Variants in CSMD1 observed in about 807,000 individuals in gnomAD.
The protein encoded by CSMD1 is CUB and Sushi multiple domains 1.
Under a neutral mutation model 417.5 loss-of-function variants are expected in CSMD1, and 213 were observed. The observed-to-expected ratio is 0.51, with a 90% confidence interval of 0.46 to 0.57. The LOEUF is 0.57. CSMD1 is among the 20% of genes least tolerant of loss of function. The pLI, the probability that CSMD1 is intolerant of heterozygous loss-of-function variation, is 0.00. For missense variants in CSMD1, 6,923 were observed against 4,529.7 expected (o/e 1.53, Z -15.17); for synonymous variants, 2,862 against 1,736.8 (o/e 1.65, Z -16.11).
chr8:3,649,838 C>T (rs149568519), intron 7 of CSMD1, among the ~76,000 whole-genome samples: 1 of 152,146 alleles, frequency 6.6e-6, no homozygotes, highest in African/African-American at 2.4e-5. Flanking sequence ...TTTGCAATAC[C>T]TTGCTAGATG....
At chr8:4,795,573 G>C (rs143912127) in intron 1 of CSMD1, among the ~76,000 whole-genome samples, 2 of 152,060 alleles carry the variant, frequency 1.3e-5, no homozygotes, top group African/African-American at 4.8e-5. Flanking sequence ...GCTTTCTTAA[G>C]CTTTTTTTCA....
At position 3,612,622 on chromosome 8, in the gene CSMD1, G is replaced by C. The variant is rs374878430; in HGVS notation, c.1097+4088C>G. 3.3e-5 allele frequency among the ~76,000 whole-genome samples: 5 copies of C among 152,130 alleles called. No homozygotes were observed. In the East Asian group the frequency reaches 5.8e-4, roughly 18 times the overall value. ...TTAAAGCATAATCTCTAACCATGCA[G>C]ATTCTTAGAAAATGTTCAGTATATG... On this transcript the variant is annotated intron_variant, in intron 8 of 69. Coordinates refer to ENST00000635120, the MANE Select transcript of CSMD1 (RefSeq NM_033225.6).
chr8:3,725,736 C>A (rs1308168891), intron 6 of CSMD1, among the ~76,000 whole-genome samples: 1 of 152,096 alleles, frequency 6.6e-6, no homozygotes, highest in Non-Finnish European at 1.5e-5. Flanking sequence ...ATACCAACTG[C>A]TGTGTTGTTA....
At chr8:2,971,974 T>G (rs974892858) in intron 57 of CSMD1, among the ~76,000 whole-genome samples, 1 of 152,214 alleles carries the variant, frequency 6.6e-6, no homozygotes, top group African/African-American at 2.4e-5. Context: ...ATGCCTATAT[T>G]ATATGCATAT....
At position 4,122,661 on chromosome 8, in the gene CSMD1, G is replaced by A. The variant is rs561873755; in HGVS notation, c.416-90562C>T. Among the ~76,000 whole-genome samples the A allele has an allele frequency of 5.2e-4, 79 of 152,288 alleles. 1 individual carries two copies. In the South Asian group the frequency reaches 0.01, roughly 20 times the overall value. On this transcript the variant is annotated intron_variant, in intron 3 of 69. Transcript: ENST00000635120. ...GCCAAACCAAACCATGTGAGGCCAG[G>A]AAGGGCAGACCCTCAGGGGCTGCAG...
At chr8:3,337,014 T>G (rs7844033) in intron 23 of CSMD1, among the ~76,000 whole-genome samples, 22,300 of 152,034 alleles carry the variant, frequency 0.15, 2,634 homozygotes, top group African/African-American at 0.32. Context: ...CCTGAGGGTG[T>G]GTCCTGTGAA....
chr8:3,433,515 T>C (rs1483836125), intron 12 of CSMD1, among the ~76,000 whole-genome samples: 3 of 152,156 alleles, frequency 2.0e-5, no homozygotes, highest in Non-Finnish European at 4.4e-5. Context: ...TTTCAAGATC[T>C]CCTTATTATG....
chr8:4,745,276 A>T (rs1219973849), intron 1 of CSMD1, among the ~76,000 whole-genome samples: 2 of 152,210 alleles, frequency 1.3e-5, no homozygotes, highest in Admixed American at 6.5e-5. Flanking sequence ...CTCTGGCAGA[A>T]AATTAAAAAC....
intron 5 of CSMD1, among the ~76,000 whole-genome samples, chr8:3,847,928 A>G (rs1185863608): frequency 1.3e-5 from 2 of 152,144 alleles, no homozygotes; most frequent in Non-Finnish European, 2.9e-5. Flanking sequence ...AGGTAAGTGC[A>G]TATTTTCTTG....
intron 4 of CSMD1, among the ~76,000 whole-genome samples, chr8:4,028,533 T>C (rs1797180926): frequency 6.6e-6 from 1 of 151,968 alleles, no homozygotes; most frequent in Non-Finnish European, 1.5e-5. Context: ...AAATATGCAA[T>C]AACTAGCGAA....
At chr8:4,774,205 A>G (rs1796735263) in intron 1 of CSMD1, among the ~76,000 whole-genome samples, 1 of 152,212 alleles carries the variant, frequency 6.6e-6, no homozygotes, top group Non-Finnish European at 1.5e-5. Context: ...CTCAAAAAAT[A>G]AAAATAAAAT....
At chr8:4,505,133 C>G (rs1585176771) in intron 2 of CSMD1, among the ~76,000 whole-genome samples, 1 of 152,138 alleles carries the variant, frequency 6.6e-6, no homozygotes, top group Non-Finnish European at 1.5e-5. Context: ...AACAGAAAAA[C>G]AAAACCAAAC....
chr8:4,955,830 C>G (rs370791047), intron 1 of CSMD1, among the ~76,000 whole-genome samples: 1 of 144,110 alleles, frequency 6.9e-6, no homozygotes. Flanking sequence ...ATATTTAGGT[C>G]GTAGAAATTG....
intron 7 of CSMD1, among the ~76,000 whole-genome samples, chr8:3,623,943 C>T (rs1044002453): frequency 2.0e-5 from 3 of 151,956 alleles, no homozygotes; most frequent in African/African-American, 7.3e-5. Flanking sequence ...CACCACTGCA[C>T]TCCAGCCTGG....
chr8:3,671,894 T>A (rs1203691069), intron 7 of CSMD1, among the ~76,000 whole-genome samples: 1 of 152,066 alleles, frequency 6.6e-6, no homozygotes, highest in African/African-American at 2.4e-5. Flanking sequence ...GCACCCACCC[T>A]CATTTCCTCT....
chr8:4,213,584 T>C (rs1436142438), intron 3 of CSMD1, among the ~76,000 whole-genome samples: 1 of 152,212 alleles, frequency 6.6e-6, no homozygotes, highest in Non-Finnish European at 1.5e-5. Context: ...ACTTGCAACG[T>C]GAAAGAAAAA....
intron 5 of CSMD1, among the ~76,000 whole-genome samples, chr8:3,846,755 C>A (rs112221156): frequency 0.072 from 10,942 of 152,146 alleles, 425 homozygotes; most frequent in Middle Eastern, 0.085. Context: ...CTCACTGCAA[C>A]CTCTGCCTCT....
At chr8:4,012,782 TCA>T (rs1262904963) in intron 4 of CSMD1, among the ~76,000 whole-genome samples, 6 of 152,302 alleles carry the variant, frequency 3.9e-5, no homozygotes, top group African/African-American at 7.2e-5. Context: ...ATCTGCAATC[TCA>T]CAGTCTTCTC....
In CSMD1 at chr8:3,456,303, G is replaced by GCTGCACCCACTCTC. The variant is rs1554427338; in HGVS notation, c.1561+12408_1561+12409insGAGAGTGGGTGCAG. ...CCCTGCTTCAGCTCATGCTTTGTGT[G>GCTGCACCCACTCTC]CTGCACCCACTGTCCGACACTCCCC... On this transcript the variant is annotated intron_variant, in intron 12 of 69. Coordinates refer to ENST00000635120, the MANE Select transcript of CSMD1 (RefSeq NM_033225.6). 8.0e-5 allele frequency among the ~76,000 whole-genome samples: 3 copies of GCTGCACCCACTCTC among 37,616 alleles called. No homozygotes were observed. The East Asian group carries it at 3.3e-3, about 42-fold the overall frequency. The allele number at this position is 37,616 out of a possible 152,430, so 24.7% of individuals were successfully genotyped here.
Sources: gnomAD v4.1 joint callset for allele counts (sites outside exome capture counted in the v4.1 genomes callset) on GRCh38, gnomAD v4.1.1 for gene constraint, MANE v1.5 for transcripts, NCBI Gene and HGNC (gene_info 2026-07-23, HGNC 2026-07-21) for gene names.